NALF1: variants seen among roughly 807,000 people sequenced by gnomAD.
NALF1 encodes the protein family with sequence similarity 155 member A.
In NALF1, 3 loss-of-function variants were observed where a neutral mutation model predicts 48.4. That is an observed-to-expected ratio of 0.06 (90% confidence interval 0.03 to 0.16). The LOEUF (loss-of-function observed/expected upper bound fraction) is 0.16, where lower values mean the gene tolerates loss of function less well. NALF1 is among the 10% of genes least tolerant of loss of function. NALF1 has a pLI of 1.00. For missense variants in NALF1, 526 were observed against 571.5 expected (o/e 0.92, Z 0.81); for synonymous variants, 262 against 245.7 (o/e 1.07, Z -0.62).
intron 1 of NALF1, among the ~76,000 whole-genome samples, chr13:107,721,812 A>G (rs138642391): frequency 1.9e-3 from 296 of 152,220 alleles, no homozygotes; most frequent in African/African-American, 6.7e-3. Context: ...CCCGGAGGAG[A>G]GGGAACTGCA....
chr13:107,641,438 G>A (rs916182670), intron 1 of NALF1, among the ~76,000 whole-genome samples: 1 of 152,126 alleles, frequency 6.6e-6, no homozygotes, highest in Non-Finnish European at 1.5e-5. Context: ...AAAGATAATT[G>A]AGGTGATGGA....
intron 1 of NALF1, among the ~76,000 whole-genome samples, chr13:107,506,512 A>G (rs932981095): frequency 6.6e-6 from 1 of 152,154 alleles, no homozygotes; most frequent in African/African-American, 2.4e-5. Flanking sequence ...ATTTTAGAAC[A>G]TTCTTGTTAC....
intron 1 of NALF1, among the ~76,000 whole-genome samples, chr13:107,266,018 G>A (rs1302685033): frequency 2.0e-5 from 3 of 152,136 alleles, no homozygotes; most frequent in African/African-American, 7.2e-5. Flanking sequence ...ATAGTATAAA[G>A]TGTTATAGCC....
At chr13:107,646,843 C>T (rs1263544737) in intron 1 of NALF1, among the ~76,000 whole-genome samples, 1 of 151,964 alleles carries the variant, frequency 6.6e-6, no homozygotes, top group Non-Finnish European at 1.5e-5. Flanking sequence ...TCAGAGTGTT[C>T]TCATTAGGAA....
intron 1 of NALF1, among the ~76,000 whole-genome samples, chr13:107,813,376 T>C (rs1594285782): frequency 6.6e-6 from 1 of 152,154 alleles, no homozygotes; most frequent in African/African-American, 2.4e-5. Context: ...ATGGAACATA[T>C]GAACCAGCCT....
At chr13:107,717,376 A>T (rs1385159673) in intron 1 of NALF1, among the ~76,000 whole-genome samples, 1 of 152,160 alleles carries the variant, frequency 6.6e-6, no homozygotes, top group Non-Finnish European at 1.5e-5. Flanking sequence ...GCACATACCC[A>T]CAGAATCAGA....
At chr13:107,215,283 A>G (rs377593825) in intron 1 of NALF1, among the ~76,000 whole-genome samples, 84 of 152,162 alleles carry the variant, frequency 5.5e-4, no homozygotes, top group African/African-American at 2.0e-3. Flanking sequence ...AAGTCACTTC[A>G]TTTTGAAACT....
intron 1 of NALF1, among the ~76,000 whole-genome samples, chr13:107,504,232 C>A (rs1246713225): frequency 7.1e-5 from 9 of 126,672 alleles, no homozygotes; most frequent in African/African-American, 2.4e-4. Context: ...GCCTGGACTA[C>A]AGAGTGAGGC....
chr13:107,594,199 G>A (rs949493063), intron 1 of NALF1, among the ~76,000 whole-genome samples: 22 of 151,942 alleles, frequency 1.4e-4, no homozygotes, highest in Admixed American at 6.6e-4. Context: ...CCAAGTCTGC[G>A]TTGTCATCCG....
chr13:107,310,012 C>G (rs1882013825), intron 1 of NALF1, among the ~76,000 whole-genome samples: 2 of 152,168 alleles, frequency 1.3e-5, no homozygotes, highest in African/African-American at 4.8e-5. Flanking sequence ...GCCAATTCCA[C>G]ATGGCGCTAC....
At chr13:107,728,603 G>A (rs1175685449) in intron 1 of NALF1, among the ~76,000 whole-genome samples, 1 of 152,046 alleles carries the variant, frequency 6.6e-6, no homozygotes, top group Non-Finnish European at 1.5e-5. Flanking sequence ...AAACCTGGAT[G>A]ACAGGTTGGT....
intron 1 of NALF1, among the ~76,000 whole-genome samples, chr13:107,586,737 A>C (rs907054279): frequency 6.7e-6 from 1 of 149,178 alleles, no homozygotes; most frequent in Non-Finnish European, 1.5e-5. Flanking sequence ...GATCTCCAAA[A>C]TGCCACTACT....
intron 1 of NALF1, among the ~76,000 whole-genome samples, chr13:107,627,200 T>C (rs1320544501): frequency 6.6e-6 from 1 of 152,092 alleles, no homozygotes; most frequent in Non-Finnish European, 1.5e-5. Context: ...ACATAGAAAA[T>C]ATGTTATGAT....
chr13:107,438,839 A>AAAAAAAAAAAAAAAAAAAAAAAAT (rs1884506592), intron 1 of NALF1, among the ~76,000 whole-genome samples: 1 of 147,308 alleles, frequency 6.8e-6, no homozygotes, highest in Non-Finnish European at 1.5e-5. Context: ...AAAAAAAAAA[A>AAAAAAAAAAAAAAAAAAAAAAAAT]AAAAAAAAAA....
In NALF1 at chr13:107,362,867, G is replaced by T. The variant is rs1883089233; in HGVS notation, c.916-152112C>A. Among the ~76,000 whole-genome samples the T allele has an allele frequency of 1.3e-5, 2 of 152,114 alleles. No individual in the cohort carries two copies. Among genetic ancestry groups the T allele is most frequent in the Admixed American group, 6.5e-5 (1 of 15,274 alleles). On this transcript the variant is annotated intron_variant, in intron 1 of 2. Transcript: ENST00000375915. The surrounding 1 kb of genome is among the most constrained non-coding windows in gnomAD (Gnocchi z 4.6). The stretch of plus-strand genomic sequence containing the variant: ...TTGGCAGGTCTAAAGTAAGTGGAGG[G>T]ATTGGGTTATCTATACATACCTTTA...
chr13:107,820,514 C>G (rs1264067459), intron 1 of NALF1, among the ~76,000 whole-genome samples: 1 of 152,198 alleles, frequency 6.6e-6, no homozygotes, highest in South Asian at 2.1e-4. Context: ...TCTACCTTGT[C>G]AAGGTACTGA....
chr13:107,297,894 CAT>C (rs1241562342), intron 1 of NALF1, among the ~76,000 whole-genome samples: 2 of 152,108 alleles, frequency 1.3e-5, no homozygotes, highest in African/African-American at 4.8e-5. Context: ...TAAATATTTT[CAT>C]AGATTCACAC....
intron 1 of NALF1, among the ~76,000 whole-genome samples, chr13:107,408,886 A>C (rs7318532): frequency 0.67 from 101,402 of 152,032 alleles, 34,018 homozygotes; most frequent in African/African-American, 0.72. Flanking sequence ...CCTTAAATAT[A>C]TTTTTTTACT....
At chr13:107,615,178 G>C (rs1012946299) in intron 1 of NALF1, among the ~76,000 whole-genome samples, 4 of 152,150 alleles carry the variant, frequency 2.6e-5, no homozygotes, top group Non-Finnish European at 5.9e-5. Flanking sequence ...TCCTCTTTCA[G>C]TTCAACTAAC....
Sources: gnomAD v4.1 joint callset for allele counts (sites outside exome capture counted in the v4.1 genomes callset) on GRCh38, gnomAD v4.1.1 for gene constraint, Gnocchi (gnomAD v3.1) non-coding constraint, MANE v1.5 for transcripts, NCBI Gene and HGNC (gene_info 2026-07-23, HGNC 2026-07-21) for gene names.